The following HDLBP variants were observed in gnomAD, a reference collection of about 807,000 sequenced individuals.
HDLBP encodes high density lipoprotein binding protein, also known as vigilin.
HDLBP carries 30 observed loss-of-function variants against 137.3 expected under a neutral mutation model. That is an observed-to-expected ratio of 0.22 (90% CI 0.16 to 0.30). The LOEUF (loss-of-function observed/expected upper bound fraction) is 0.30. Ranked by LOEUF, HDLBP falls within the 10% of genes least tolerant of loss-of-function variation. The pLI, the probability that HDLBP is intolerant of heterozygous loss-of-function variation, is 1.00. For synonymous variants in HDLBP, 606 were observed against 596.0 expected (o/e 1.02, Z -0.24); for missense variants, 1,119 against 1,667.3 (o/e 0.67, Z 5.73).
chr2:241,262,859 G>A lies in HDLBP; in HGVS notation c.302C>T (p.Ala101Val). The change falls in exon 5 of 28, where the codon GCA becomes GTA. Residue 101 changes from alanine to valine, a missense_variant. Around this residue, in one of 4 missense-constraint regions of HDLBP, gnomAD observed 17 missense variants for 64.3 expected, o/e 0.26. Transcript: ENST00000310931. ...CTGCATGATCTCAAGGCAGATTTTT[G>A]CTTGTTCACCTTCTCCAAACTGGTT... ...DMNQFGEGEQAKICLEIMQRT... is the reference protein window; with the variant it reads ...DMNQFGEGEQVKICLEIMQRT... 1 of 1,614,156 alleles carries A rather than the reference G, an allele frequency of 6.2e-7. No individual in the cohort carries two copies. Among genetic ancestry groups the A allele is most frequent in the Non-Finnish European group, 8.5e-7 (1 of 1,180,020 alleles).
At chr2:241,270,342 G>A (rs912324661) in intron 1 of HDLBP, among the ~76,000 whole-genome samples, 26 of 152,166 alleles carry the variant, frequency 1.7e-4, no homozygotes, top group Non-Finnish European at 3.5e-4. Flanking sequence ...GGTTTGACAG[G>A]CTATACTGGG....
intron 1 of HDLBP, chr2:241,280,177 C>G: frequency 2.1e-6 from 2 of 950,262 alleles, no homozygotes; most frequent in Non-Finnish European, 2.5e-6. Flanking sequence ...AGAAATGTTT[C>G]CATCCCATTT....
Position 241,228,563 on chromosome 2 carries a change from TCCAGCTTAGGTACACGGCGCCCACCC to T in HDLBP, c.*1012_*1037del, listed in dbSNP as rs529387406. On this transcript the variant is annotated 3_prime_UTR_variant, in exon 28 of 28. Coordinates refer to ENST00000310931, the MANE Select transcript of HDLBP (RefSeq NM_005336.6). ...CCTGTGCTGAGGGAGAGCGCCAGCC[TCCAGCTTAGGTACACGGCGCCCACCC>T]CCAGCTCCACGGGAAACCCATAACC... 1.2e-4 allele frequency: 19 copies of T among 152,410 alleles called. No individual in the cohort carries two copies. Among genetic ancestry groups the T allele is most frequent in the African/African-American group, 3.6e-4 (15 of 41,506 alleles). The allele number at this position is 152,410 out of a possible 1,614,324, so 9.4% of individuals were successfully genotyped here. A position where few individuals can be genotyped will look rare whatever the true frequency, so the allele number is the denominator to read the frequency against.
intron 21 of HDLBP, 67 bp from the exon 22 acceptor site, chr2:241,235,661 A>G (rs1183282382): frequency 2.7e-6 from 3 of 1,110,380 alleles, no homozygotes; most frequent in East Asian, 2.4e-5. Context: ...AAGCTCAGCA[A>G]TGGGGCTCCA....
intron 1 of HDLBP, among the ~76,000 whole-genome samples, chr2:241,305,962 G>A (rs867336474): frequency 6.6e-6 from 1 of 151,632 alleles, no homozygotes; most frequent in East Asian, 2.0e-4. Context: ...GGGTCTCACC[G>A]TGTTAGCCAG....
At chr2:241,267,836 G>A (rs1270239400) in intron 2 of HDLBP, 9 of 1,441,136 alleles carry the variant, frequency 6.2e-6, no homozygotes, top group African/African-American at 2.8e-5. Context: ...GACAGAACTC[G>A]CACAGCAGGG....
At position 241,229,380 on chromosome 2, in the gene HDLBP, G is replaced by A. The variant is rs2069444613; in HGVS notation, c.*221C>T. The A allele has an allele frequency of 4.1e-6, 2 of 490,542 alleles. No homozygotes were observed. The highest frequency in any genetic ancestry group is 3.9e-5 in the East Asian group (1 of 25,920). 30.4% of individuals were successfully genotyped at this position (490,542 alleles called of 1,614,324 possible). ...TCTTAGCACGAATGCTCATGACCTT[G>A]GTTTAGTGTTAAACAGTGGAGCAGG... On this transcript the variant is annotated 3_prime_UTR_variant, in exon 28 of 28. Transcript: ENST00000310931.
intron 5 of HDLBP, among the ~76,000 whole-genome samples, chr2:241,258,346 CAAAAAAAAAA>C (rs34675892): frequency 1.1e-4 from 6 of 55,458 alleles, no homozygotes; most frequent in Non-Finnish European, 1.9e-4. Context: ...GACTCCGTCT[CAAAAAAAAAA>C]AAAAAAAAAA....
At position 241,240,250 on chromosome 2, in the gene HDLBP, A is replaced by G. The variant is rs540725381; in HGVS notation, c.2170-128T>C. ...ATTGTCACCAGTGTCCTGATGTTGCACCAATACCCCCAAAATGGGGCTAGC... is the reference window on the plus strand; with the variant it reads ...ATTGTCACCAGTGTCCTGATGTTGCGCCAATACCCCCAAAATGGGGCTAGC... On this transcript the variant is annotated intron_variant, in intron 17 of 27. Transcript: ENST00000310931. The surrounding 1 kb of genome is among the most constrained non-coding windows in gnomAD (Gnocchi z 5.5). The G allele has an allele frequency of 5.8e-6, 5 of 862,130 alleles. No individual in the cohort carries two copies. In the African/African-American group the frequency reaches 6.6e-5, roughly 11 times the overall value. The allele number at this position is 862,130 out of a possible 1,614,324, so 53.4% of individuals were successfully genotyped here. A position where few individuals can be genotyped will look rare whatever the true frequency, so the allele number is the denominator to read the frequency against.
chr2:241,230,741 T>C lies in HDLBP; in HGVS notation c.3474+18A>G. On this transcript the variant is annotated intron_variant, in intron 25 of 27. Transcript: ENST00000310931. The surrounding 1 kb of genome is among the most constrained non-coding windows in gnomAD (Gnocchi z 5.0). The stretch of plus-strand genomic sequence containing the variant: ...GGTGAGAGAGGATTCTCACCCACTG[T>C]GCTTCCAGCCGGCTCACCTTGAATT... 1.2e-6 allele frequency: 2 copies of C among 1,611,900 alleles called. No homozygotes were observed. The highest frequency in any genetic ancestry group is 1.7e-6 in the Non-Finnish European group (2 of 1,178,056).
At chr2:241,243,947 G>A (rs2071480663) in intron 16 of HDLBP, among the ~76,000 whole-genome samples, 1 of 152,180 alleles carries the variant, frequency 6.6e-6, no homozygotes, top group South Asian at 2.1e-4. Flanking sequence ...AGAAATGACA[G>A]TGTTAGAATC....
intron 17 of HDLBP, 135 bp downstream of exon 17, chr2:241,242,325 A>T: frequency 4.2e-6 from 3 of 712,912 alleles, no homozygotes; most frequent in Non-Finnish European, 7.1e-6. Flanking sequence ...AAAGACGCAT[A>T]AACAGTACAT....
intron 1 of HDLBP, among the ~76,000 whole-genome samples, chr2:241,299,146 C>T (rs1575045737): frequency 6.6e-6 from 1 of 152,204 alleles, no homozygotes; most frequent in Non-Finnish European, 1.5e-5. Context: ...CTGTACGGTA[C>T]CCGTACCTCC....
At chr2:241,257,850 A>G (rs1171246078) in intron 5 of HDLBP, among the ~76,000 whole-genome samples, 2 of 151,456 alleles carry the variant, frequency 1.3e-5, no homozygotes, top group Non-Finnish European at 2.9e-5. Flanking sequence ...TTAACACAGG[A>G]AATACCAGTA....
At chr2:241,249,772 C>G in intron 12 of HDLBP, 69 bp downstream of exon 12, 1 of 1,449,410 alleles carries the variant, frequency 6.9e-7, no homozygotes. Context: ...CCACAACACG[C>G]TACTCCTTAG....
chr2:241,248,220 C>G (rs749144134), intron 13 of HDLBP, 24 bp downstream of exon 13: 1 of 1,589,104 alleles, frequency 6.3e-7, no homozygotes, highest in Non-Finnish European at 8.6e-7. Context: ...TATAGAGTTA[C>G]AGAATGTCTC....
In HDLBP at chr2:241,238,920, G is replaced by T. The variant is rs1288945143; in HGVS notation, c.2611-133C>A. The T allele has an allele frequency of 1.2e-5, 8 of 670,646 alleles. No homozygotes were observed. The highest frequency in any genetic ancestry group is 2.9e-5 in the Admixed American group (1 of 34,796). The allele number at this position is 670,646 out of a possible 1,614,324, so 41.5% of individuals were successfully genotyped here. A position where few individuals can be genotyped will look rare whatever the true frequency, so the allele number is the denominator to read the frequency against. On this transcript the variant is annotated intron_variant, in intron 19 of 27. Coordinates refer to ENST00000310931, the MANE Select transcript of HDLBP (RefSeq NM_005336.6). This position sits in a 1 kb window ranked among gnomAD's most constrained non-coding sequence, Gnocchi z 4.9. Reference sequence around the variant, plus strand: ...TTGGCACAGATGCTCCCCTTCTCCCGAGTCCAGGGCTCCAGGCGCAGGGAG... The same window carrying T: ...TTGGCACAGATGCTCCCCTTCTCCCTAGTCCAGGGCTCCAGGCGCAGGGAG...
At chr2:241,259,650 T>G (rs941797966) in intron 5 of HDLBP, among the ~76,000 whole-genome samples, 2 of 152,158 alleles carry the variant, frequency 1.3e-5, no homozygotes, top group African/African-American at 2.4e-5. Context: ...GCCACCACTA[T>G]TTTTTGTAGA....
intron 1 of HDLBP, among the ~76,000 whole-genome samples, chr2:241,299,074 C>A (rs750000428): frequency 6.6e-6 from 1 of 152,126 alleles, no homozygotes; most frequent in African/African-American, 2.4e-5. Flanking sequence ...AGTAAACATA[C>A]CAAAATATCC....
Sources: allele counts gnomAD v4.1 joint callset (sites outside exome capture counted in the v4.1 genomes callset), GRCh38; gene constraint gnomAD v4.1.1; regional missense constraint gnomAD v4.1.1; non-coding constraint Gnocchi (gnomAD v3.1); transcripts MANE v1.5; gene names NCBI Gene and HGNC (gene_info 2026-07-23, HGNC 2026-07-21).